AAK1: variants seen among roughly 807,000 people sequenced by gnomAD.
AAK1 encodes the protein AP2 associated kinase 1, also known as AP2-associated protein kinase 1.
AAK1 carries 37 observed loss-of-function variants against 116.0 expected under a neutral mutation model. That is an observed-to-expected ratio of 0.32 (90% CI 0.25 to 0.42). AAK1 has a LOEUF of 0.42. Among genes scored for constraint, AAK1 ranks in the 10% least tolerant of loss-of-function variants. AAK1 has a pLI of 1.00. For missense variants in AAK1, 919 were observed against 1,170.6 expected (o/e 0.79, Z 3.14); for synonymous variants, 458 against 439.9 (o/e 1.04, Z -0.51).
intron 2 of AAK1, among the ~76,000 whole-genome samples, chr2:69,591,571 A>T (rs1266822961): frequency 1.6e-5 from 2 of 122,440 alleles, no homozygotes; most frequent in Non-Finnish European, 3.1e-5. Flanking sequence ...CCCAGGCTGG[A>T]GTGCAGTGGC....
intron 3 of AAK1, among the ~76,000 whole-genome samples, chr2:69,556,500 CAGAG>C (rs371033630): frequency 6.6e-5 from 10 of 151,118 alleles, no homozygotes; most frequent in Non-Finnish European, 1.5e-4. Flanking sequence ...GGATTGGTAA[CAGAG>C]AGAGAGAGAG....
chr2:69,467,528 G>A lies in AAK1; in HGVS notation c.*8341C>T, dbSNP rs1000045646. On this transcript the variant is annotated 3_prime_UTR_variant, in exon 22 of 22. Transcript: ENST00000409085. ...AAGAATCCAGAGAAAGGGTGGTTGGGGGTAAAGGTATCATTTCATCATGGG... is the reference window on the plus strand; with the variant it reads ...AAGAATCCAGAGAAAGGGTGGTTGGAGGTAAAGGTATCATTTCATCATGGG... 55 of 985,238 alleles carry A rather than the reference G, an allele frequency of 5.6e-5. No homozygotes were observed. Among genetic ancestry groups the A allele is most frequent in the Non-Finnish European group, 6.3e-5 (52 of 829,932 alleles). The allele number at this position is 985,238 out of a possible 1,614,324, so 61.0% of individuals were successfully genotyped here.
chr2:69,515,655 C>T (rs1676550468), intron 12 of AAK1, among the ~76,000 whole-genome samples: 1 of 152,012 alleles, frequency 6.6e-6, no homozygotes, highest in South Asian at 2.1e-4. Flanking sequence ...CTCTCTAATC[C>T]CCACTGTTAG....
chr2:69,624,436 A>G (rs1674804715), intron 2 of AAK1, among the ~76,000 whole-genome samples: 1 of 152,226 alleles, frequency 6.6e-6, no homozygotes, highest in Admixed American at 6.5e-5. Context: ...TAAGTGAGAA[A>G]GCAGATTACA....
At chr2:69,559,825 G>A (rs1001207824) in intron 2 of AAK1, among the ~76,000 whole-genome samples, 2 of 152,244 alleles carry the variant, frequency 1.3e-5, no homozygotes, top group African/African-American at 4.8e-5. Context: ...GCCTGTCACT[G>A]CTGAAGGACA....
chr2:69,573,095 T>C (rs999981767), intron 2 of AAK1, among the ~76,000 whole-genome samples: 2 of 151,994 alleles, frequency 1.3e-5, no homozygotes, highest in African/African-American at 4.8e-5. Context: ...TATAAACTCA[T>C]CAACTAGATT....
intron 2 of AAK1, among the ~76,000 whole-genome samples, chr2:69,580,777 C>G (rs1259313105): frequency 6.6e-6 from 1 of 152,202 alleles, no homozygotes; most frequent in Non-Finnish European, 1.5e-5. Context: ...TCTCAGCTCT[C>G]CTATCTATAA....
At chr2:69,517,462 T>C (rs1000452326) in intron 12 of AAK1, among the ~76,000 whole-genome samples, 15 of 150,186 alleles carry the variant, frequency 1.0e-4, no homozygotes, top group East Asian at 1.9e-4. Flanking sequence ...TTGATCTTTT[T>C]TTCTTCCTTT....
At chr2:69,592,199 T>C (rs1673064774) in intron 2 of AAK1, among the ~76,000 whole-genome samples, 1 of 152,210 alleles carries the variant, frequency 6.6e-6, no homozygotes, top group African/African-American at 2.4e-5. Flanking sequence ...ACTCAGCCAA[T>C]GACTGGTCTC....
chr2:69,537,048 GA>G (rs1307191482), intron 5 of AAK1, among the ~76,000 whole-genome samples: 1 of 152,180 alleles, frequency 6.6e-6, no homozygotes, highest in Non-Finnish European at 1.5e-5. Flanking sequence ...AAACGGGAGT[GA>G]AAAACCGTGG....
Position 69,461,712 on chromosome 2 carries a change from C to A in AAK1, c.*14157G>T, listed in dbSNP as rs779240971. Reference sequence around the variant, plus strand: ...CTGGGTCAAGCAATTCTGCCTCAGCCTCCCTAGTAACTGGGACTACAGGTG... The same window carrying A: ...CTGGGTCAAGCAATTCTGCCTCAGCATCCCTAGTAACTGGGACTACAGGTG... On this transcript the variant is annotated 3_prime_UTR_variant, in exon 22 of 22. Coordinates refer to ENST00000409085, the MANE Select transcript of AAK1 (RefSeq NM_014911.5). The A allele has an allele frequency of 2.2e-5, 9 of 405,572 alleles. No homozygotes were observed. The allele number at this position is 405,572 out of a possible 1,614,324, so 25.1% of individuals were successfully genotyped here.
intron 2 of AAK1, among the ~76,000 whole-genome samples, chr2:69,620,756 T>C (rs1427211000): frequency 6.6e-6 from 1 of 152,210 alleles, no homozygotes; most frequent in African/African-American, 2.4e-5. Context: ...GGGCTCTCCT[T>C]ACTAAGCTAC....
chr2:69,514,553 T>G lies in AAK1; in HGVS notation c.1694A>C (p.Gln565Pro), dbSNP rs1326787947. 2.6e-6 allele frequency: 4 copies of G among 1,555,740 alleles called. No individual in the cohort carries two copies. Among genetic ancestry groups the G allele is most frequent in the Non-Finnish European group, 2.6e-6 (3 of 1,149,502 alleles). Residue 565 changes from glutamine to proline, a missense_variant, in exon 13 of 22, where the codon CAA becomes CCA. By Grantham distance (76) the Gln-to-Pro change is moderately conservative. Transcript: ENST00000409085. ...CTGTCCTGCTGCCATAGTGGGCTTT[T>G]GCTGCAAGGCAGCCTGCTGAGTCAT... ...QLMTQQAALQ[Q>P]KPTMAAGQQP...
chr2:69,536,504 C>T (rs1224121741), intron 5 of AAK1, among the ~76,000 whole-genome samples: 1 of 152,168 alleles, frequency 6.6e-6, no homozygotes, highest in Non-Finnish European at 1.5e-5. Context: ...ACTAGACAGT[C>T]GTACACCACC....
rs765778769 is a variant in AAK1 at position 69,466,260 on chromosome 2, G to A, written c.*9609C>T. 1.4e-5 allele frequency: 18 copies of A among 1,288,142 alleles called. No homozygotes were observed. The highest frequency in any genetic ancestry group is 7.4e-5 in the South Asian group (6 of 80,824). The allele number at this position is 1,288,142 out of a possible 1,614,324, so 79.8% of individuals were successfully genotyped here. ...TGGAACGGCTCCTCCCAGCTTCCCC[G>A]GGGGGGGTCTGCAGCTCTCATCTTC... On this transcript the variant is annotated 3_prime_UTR_variant, in exon 22 of 22. Coordinates refer to ENST00000409085, the MANE Select transcript of AAK1 (RefSeq NM_014911.5).
chr2:69,535,748 C>G (rs181940234), intron 5 of AAK1, among the ~76,000 whole-genome samples: 1 of 152,078 alleles, frequency 6.6e-6, no homozygotes, highest in East Asian at 1.9e-4. Context: ...AGGCAGGCCA[C>G]TGTGGCTGGA....
At chr2:69,513,836 T>G (rs1676482016) in intron 13 of AAK1, among the ~76,000 whole-genome samples, 1 of 152,204 alleles carries the variant, frequency 6.6e-6, no homozygotes, top group African/African-American at 2.4e-5. Flanking sequence ...GTGTTGAAAC[T>G]GTAGAGGACA....
chr2:69,522,898 C>T (rs1014514720), intron 10 of AAK1, among the ~76,000 whole-genome samples: 2 of 152,048 alleles, frequency 1.3e-5, no homozygotes, highest in African/African-American at 4.8e-5. Flanking sequence ...CCATGTTGAT[C>T]ATCTCTTGAG....
intron 17 of AAK1, among the ~76,000 whole-genome samples, chr2:69,487,753 G>C (rs952731395): frequency 8.6e-5 from 13 of 150,562 alleles, no homozygotes; most frequent in Admixed American, 7.3e-4. Flanking sequence ...GAAGAAAATG[G>C]TCCAGTTTTG....
Sources: allele counts gnomAD v4.1 joint callset (sites outside exome capture counted in the v4.1 genomes callset), GRCh38; gene constraint gnomAD v4.1.1; transcripts MANE v1.5; gene names NCBI Gene and HGNC (gene_info 2026-07-23, HGNC 2026-07-21).